ESR1: variants seen among roughly 807,000 people sequenced by gnomAD.
ESR1 encodes estrogen receptor 1.
A neutral mutation model predicts 52.7 loss-of-function variants in ESR1; 12 were observed. That is an observed-to-expected ratio of 0.23 (90% CI 0.15 to 0.37). The LOEUF is 0.37. Ranked by LOEUF, ESR1 falls within the 10% of genes least tolerant of loss-of-function variation. The pLI, the probability that ESR1 is intolerant of heterozygous loss-of-function variation, is 1.00. For synonymous variants in ESR1, 305 were observed against 316.8 expected (o/e 0.96, Z 0.39); for missense variants, 584 against 779.7 (o/e 0.75, Z 2.99).
intron 2 of ESR1, among the ~76,000 whole-genome samples, chr6:151,776,071 G>C (rs1156926378): frequency 6.6e-6 from 1 of 152,162 alleles, no homozygotes; most frequent in Non-Finnish European, 1.5e-5. Context: ...TTTTTGTTGC[G>C]AGTAAAAATG....
intron 4 of ESR1, among the ~76,000 whole-genome samples, chr6:151,977,112 TAG>T (rs903954710): frequency 6.6e-6 from 1 of 152,066 alleles, no homozygotes; most frequent in African/African-American, 2.4e-5. Flanking sequence ...TATGCCATTG[TAG>T]AGAGTGAAAA....
At chr6:151,725,988 G>A (rs1781807912) in intron 2 of ESR1, among the ~76,000 whole-genome samples, 2 of 152,186 alleles carry the variant, frequency 1.3e-5, no homozygotes, top group South Asian at 4.2e-4. Context: ...GTGGATTTGG[G>A]CAGATAAAGA....
intron 1 of ESR1, among the ~76,000 whole-genome samples, chr6:151,697,379 C>T (rs1260921018): frequency 6.6e-6 from 1 of 152,210 alleles, no homozygotes; most frequent in African/African-American, 2.4e-5. Context: ...CAGTGAGAAG[C>T]TGCAAGCTTG....
chr6:151,994,201 T>C (rs1426773866), intron 4 of ESR1, among the ~76,000 whole-genome samples: 2 of 152,124 alleles, frequency 1.3e-5, no homozygotes, highest in Non-Finnish European at 2.9e-5. Context: ...GTGGATATGG[T>C]TTATGCCAAA....
chr6:151,963,188 ATGTTAATTGGAGCCCTGTGTGTTC>A (rs1288502466), intron 4 of ESR1, among the ~76,000 whole-genome samples: 1 of 152,144 alleles, frequency 6.6e-6, no homozygotes, highest in Non-Finnish European at 1.5e-5. Flanking sequence ...CGAACTAAAA[ATGTTAATTGGAGCCCTGTGTGTTC>A]CTTGAGCAGA....
intron 2 of ESR1, among the ~76,000 whole-genome samples, chr6:151,724,409 C>G (rs1464411312): frequency 6.6e-6 from 1 of 152,056 alleles, no homozygotes; most frequent in Non-Finnish European, 1.5e-5. Context: ...TCTGAGGAAA[C>G]TAATAAGTCC....
At chr6:151,996,108 TC>T (rs1346532921) in intron 4 of ESR1, among the ~76,000 whole-genome samples, 1 of 152,134 alleles carries the variant, frequency 6.6e-6, no homozygotes, top group African/African-American at 2.4e-5. Context: ...TCAAGAACAT[TC>T]ATATCTTTTG....
chr6:151,710,092 T>C (rs1780481796), intron 2 of ESR1, among the ~76,000 whole-genome samples: 1 of 152,062 alleles, frequency 6.6e-6, no homozygotes, highest in Admixed American at 6.5e-5. Flanking sequence ...TCCAATAAAT[T>C]AAATTATATT....
intron 2 of ESR1, among the ~76,000 whole-genome samples, chr6:151,791,789 A>G (rs1460294607): frequency 1.3e-5 from 2 of 152,172 alleles, no homozygotes; most frequent in African/African-American, 4.8e-5. Context: ...AGATAGTATA[A>G]TAATAAATAC....
chr6:151,686,075 T>TA (rs1778656532), upstream of ESR1, among the ~76,000 whole-genome samples: 1 of 146,726 alleles, frequency 6.8e-6, no homozygotes, highest in South Asian at 2.2e-4. Flanking sequence ...TTTTTTTTTT[T>TA]TTTTTTTTTT....
intron 6 of ESR1, among the ~76,000 whole-genome samples, chr6:152,091,747 C>A (rs1302030385): frequency 6.6e-6 from 1 of 152,076 alleles, no homozygotes; most frequent in African/African-American, 2.4e-5. Context: ...TCACACCGTG[C>A]AAACAATAAG....
intron 3 of ESR1, among the ~76,000 whole-genome samples, chr6:151,934,651 A>G (rs1418028915): frequency 6.6e-6 from 1 of 152,212 alleles, no homozygotes; most frequent in African/African-American, 2.4e-5. Flanking sequence ...TGTGCAGAAT[A>G]ATAGCCTATT....
chr6:151,940,621 T>C (rs1562572392), intron 3 of ESR1, among the ~76,000 whole-genome samples: 1 of 152,226 alleles, frequency 6.6e-6, no homozygotes, highest in African/African-American at 2.4e-5. Flanking sequence ...AAGGGAAATA[T>C]CATGATTTGA....
chr6:151,818,552 G>A (rs1006383853), intron 1 of ESR1, among the ~76,000 whole-genome samples: 1 of 152,134 alleles, frequency 6.6e-6, no homozygotes, highest in Non-Finnish European at 1.5e-5. Flanking sequence ...ACATTCTTTT[G>A]CAAGAGTTCT....
rs1263184439 is a variant in ESR1, at chr6:152,100,073, A to G, written c.*1107A>G. On this transcript the variant is annotated 3_prime_UTR_variant, in exon 8 of 8. Transcript: ENST00000206249. ...CTGGATACAGTTCTGAGGCACAGCCAGACTTGCTCAGGGTGGCCCTGCCAC... is the reference window on the plus strand; with the variant it reads ...CTGGATACAGTTCTGAGGCACAGCCGGACTTGCTCAGGGTGGCCCTGCCAC... The G allele has an allele frequency of 7.5e-6, 3 of 398,806 alleles. No homozygotes were observed. In the Admixed American group the frequency reaches 1.3e-4, roughly 18 times the overall value. The allele number at this position is 398,806 out of a possible 1,614,324, so 24.7% of individuals were successfully genotyped here.
At chr6:152,024,111 G>T (rs2128829326) in intron 5 of ESR1, among the ~76,000 whole-genome samples, 1 of 152,062 alleles carries the variant, frequency 6.6e-6, no homozygotes, top group Non-Finnish European at 1.5e-5. Flanking sequence ...ATATTCAGTT[G>T]TCTCAACACC....
chr6:151,842,829 A>G, intron 2 of ESR1, 42 bp downstream of exon 2: 1 of 1,579,222 alleles, frequency 6.3e-7, no homozygotes, highest in Non-Finnish European at 8.7e-7. Flanking sequence ...TGATCCTATG[A>G]GCAGATCCTA....
chr6:151,735,154 T>C (rs1417012143), intron 2 of ESR1, among the ~76,000 whole-genome samples: 1 of 152,194 alleles, frequency 6.6e-6, no homozygotes, highest in East Asian at 1.9e-4. Context: ...ATAGAACCAA[T>C]CTAACATCCA....
chr6:151,663,331 A>C (rs1158069712), intron 1 of ESR1, among the ~76,000 whole-genome samples: 1 of 152,218 alleles, frequency 6.6e-6, no homozygotes, highest in Non-Finnish European at 1.5e-5. Flanking sequence ...TTATATATTC[A>C]TCACTTTTAT....
Sources: gnomAD v4.1 joint callset for allele counts (sites outside exome capture counted in the v4.1 genomes callset) on GRCh38, gnomAD v4.1.1 for gene constraint, MANE v1.5 for transcripts, NCBI Gene and HGNC (gene_info 2026-07-23, HGNC 2026-07-21) for gene names.